The following CNIH4 variants were observed in gnomAD, a reference collection of about 807,000 sequenced individuals.
The protein encoded by CNIH4 is protein cornichon homolog 4.
Under a neutral mutation model 21.5 loss-of-function variants are expected in CNIH4, and 9 were observed. The ratio of observed to expected loss-of-function variants is 0.42; its 90% CI spans 0.25 to 0.73. The LOEUF (loss-of-function observed/expected upper bound fraction) is 0.73. CNIH4 is among the 30% of genes least tolerant of loss of function. The pLI is 0.27. For missense variants in CNIH4, 159 were observed against 170.0 expected (o/e 0.94, Z 0.36); for synonymous variants, 67 against 59.1 (o/e 1.13, Z -0.61).
At chr1:224,362,881 C>A (rs1282589780) in intron 2 of CNIH4, among the ~76,000 whole-genome samples, 6 of 151,954 alleles carry the variant, frequency 3.9e-5, no homozygotes, top group African/African-American at 1.5e-4. Flanking sequence ...ATGTTTCTTC[C>A]CCATCTTTTT....
At chr1:224,360,618 TTAAGA>T in intron 2 of CNIH4, 55 bp downstream of exon 2, 1 of 876,852 alleles carries the variant, frequency 1.1e-6, no homozygotes, top group Non-Finnish European at 1.7e-6. Context: ...TTTTCCATAC[TTAAGA>T]TTATTATAGA....
At position 224,375,971 on chromosome 1, in the gene CNIH4, ATAAAG is replaced by A; in HGVS notation, c.*152_*156del. On this transcript the variant is annotated 3_prime_UTR_variant, in exon 5 of 5. Transcript: ENST00000465271. ...ACTATTTTTGCTGTATTTTTACCAT[ATAAAG>A]TATTTAAAAAACATGAATTGAGTTT... The A allele has an allele frequency of 7.6e-7, 1 of 1,315,600 alleles. No homozygotes were observed. Among genetic ancestry groups the A allele is most frequent in the South Asian group, 2.5e-5 (1 of 40,564 alleles). The allele number at this position is 1,315,600 out of a possible 1,614,324, so 81.5% of individuals were successfully genotyped here. A position where few individuals can be genotyped will look rare whatever the true frequency, so the allele number is the denominator to read the frequency against.
At chr1:224,372,280 T>A (rs1206135674) in intron 4 of CNIH4, among the ~76,000 whole-genome samples, 1 of 152,208 alleles carries the variant, frequency 6.6e-6, no homozygotes, top group Non-Finnish European at 1.5e-5. Flanking sequence ...CCTGTGTGTT[T>A]TAGAGGTGAA....
Position 224,376,820 on chromosome 1 carries a change from G to C in CNIH4, c.*998G>C. ...GTAAACTCTTGCAGGTGGGAGAGCA[G>C]TTCACCTCCTTAGCTCTGTTTGCCA... On this transcript the variant is annotated 3_prime_UTR_variant, in exon 5 of 5. Transcript: ENST00000465271. 5.1e-6 allele frequency: 5 copies of C among 985,388 alleles called. No homozygotes were observed. The highest frequency in any genetic ancestry group is 4.8e-6 in the Non-Finnish European group (4 of 829,896). The allele number at this position is 985,388 out of a possible 1,614,324, so 61.0% of individuals were successfully genotyped here. A position where few individuals can be genotyped will look rare whatever the true frequency, so the allele number is the denominator to read the frequency against.
Position 224,378,269 on chromosome 1 carries a change from A to C in CNIH4, c.*2447A>C, listed in dbSNP as rs1672833690. 6.6e-6 allele frequency: 1 copy of C among 152,108 alleles called. No individual in the cohort carries two copies. The highest frequency in any genetic ancestry group is 2.4e-5 in the African/African-American group (1 of 41,388). 9.4% of individuals were successfully genotyped at this position (152,108 alleles called of 1,614,324 possible). A position where few individuals can be genotyped will look rare whatever the true frequency, so the allele number is the denominator to read the frequency against. ...CTATGTTGCCTAGGCTGGTATCAAAATTACTGGCCTCAAGCGATTCTCCTG... is the reference window on the plus strand; with the variant it reads ...CTATGTTGCCTAGGCTGGTATCAAACTTACTGGCCTCAAGCGATTCTCCTG... On this transcript the variant is annotated 3_prime_UTR_variant, in exon 5 of 5. Transcript: ENST00000465271.
At chr1:224,362,768 C>T (rs1465641805) in intron 2 of CNIH4, among the ~76,000 whole-genome samples, 3 of 152,212 alleles carry the variant, frequency 2.0e-5, no homozygotes, top group African/African-American at 7.2e-5. Context: ...GCATGAGCCA[C>T]TGTGCCTGGC....
chr1:224,366,028 T>TAA, intron 3 of CNIH4, 37 bp downstream of exon 3: 1 of 1,325,892 alleles, frequency 7.5e-7, no homozygotes, highest in Non-Finnish European at 1.1e-6. Flanking sequence ...TCAAGGTAGT[T>TAA]AAAAAAAAAT....
In CNIH4 at chr1:224,360,493, A is replaced by G; in HGVS notation, c.70-2A>G. ...ATAATAATTCCTTATCTTGATCATC[A>G]GATAATTACATTGTCTGATTTAGAA... is the stretch of plus-strand genomic sequence containing the variant. On this transcript the variant is annotated splice_acceptor_variant, in intron 1 of 4. Coordinates refer to ENST00000465271, the MANE Select transcript of CNIH4 (RefSeq NM_014184.4). LOFTEE classifies it high-confidence loss of function. The G allele has an allele frequency of 7.3e-7, 1 of 1,367,054 alleles. No individual in the cohort carries two copies. The highest frequency in any genetic ancestry group is 1.5e-5 in the South Asian group (1 of 68,594). 84.7% of individuals were successfully genotyped at this position (1,367,054 alleles called of 1,614,324 possible).
rs538357540 is a variant in CNIH4 at position 224,362,513 on chromosome 1, G to A, written c.138+1950G>A. Among the ~76,000 whole-genome samples the A allele has an allele frequency of 2.6e-4, 37 of 140,934 alleles. No homozygotes were observed. In the East Asian group the frequency reaches 6.7e-3, roughly 26 times the overall value. 92.5% of individuals were successfully genotyped at this position (140,934 alleles called of 152,430 possible). On this transcript the variant is annotated intron_variant, in intron 2 of 4. Transcript: ENST00000465271. The stretch of plus-strand genomic sequence containing the variant: ...TTTTTTTTTTTTTTTTTTTTGAGAC[G>A]GAGTCTTGCTCTGTGGCCCAGACTA...
intron 2 of CNIH4, among the ~76,000 whole-genome samples, chr1:224,365,574 G>A (rs926110617): frequency 6.6e-6 from 1 of 152,162 alleles, no homozygotes; most frequent in African/African-American, 2.4e-5. Context: ...TACTAGAATA[G>A]GAACTAAACA....
intron 1 of CNIH4, chr1:224,357,504 C>A: frequency 6.5e-6 from 1 of 153,370 alleles, no homozygotes. Flanking sequence ...CCCCCGGCAC[C>A]CGCCCCTTTG....
At chr1:224,362,686 G>C (rs1038906239) in intron 2 of CNIH4, among the ~76,000 whole-genome samples, 1 of 151,554 alleles carries the variant, frequency 6.6e-6, no homozygotes, top group Non-Finnish European at 1.5e-5. Flanking sequence ...ATAGAGACAG[G>C]GTTTCACCAT....
At chr1:224,364,865 G>A (rs1307847664) in intron 2 of CNIH4, among the ~76,000 whole-genome samples, 2 of 151,878 alleles carry the variant, frequency 1.3e-5, no homozygotes, top group Non-Finnish European at 1.5e-5. Context: ...CCCGGGAGGC[G>A]GAGGTTTCAG....
chr1:224,364,129 C>G (rs1672380982), intron 2 of CNIH4: 1 of 984,300 alleles, frequency 1.0e-6, no homozygotes, highest in Admixed American at 6.2e-5. Flanking sequence ...GTGGCTGACA[C>G]CTGTCCCCAG....
intron 3 of CNIH4, among the ~76,000 whole-genome samples, chr1:224,366,336 AAAG>A (rs1323180030): frequency 6.7e-6 from 1 of 149,140 alleles, no homozygotes; most frequent in African/African-American, 2.5e-5. Context: ...GTGAGCCAAA[AAAG>A]GTGTTTAAGA....
At chr1:224,363,893 G>A (rs948014606) in intron 2 of CNIH4, among the ~76,000 whole-genome samples, 4 of 152,058 alleles carry the variant, frequency 2.6e-5, no homozygotes, top group Admixed American at 2.0e-4. Flanking sequence ...CTGAAATGGC[G>A]GTGTTTTGGT....
chr1:224,362,305 A>G (rs753338374), intron 2 of CNIH4, among the ~76,000 whole-genome samples: 1 of 150,590 alleles, frequency 6.6e-6, no homozygotes, highest in Non-Finnish European at 1.5e-5. Context: ...GATGGTCTCA[A>G]TCTCCTGACC....
Position 224,378,993 on chromosome 1 carries a change from A to T in CNIH4, c.*3171A>T. 1 of 1,432,474 alleles carries T rather than the reference A, an allele frequency of 7.0e-7. No homozygotes were observed. Among genetic ancestry groups the T allele is most frequent in the Non-Finnish European group, 9.6e-7 (1 of 1,039,292 alleles). 88.7% of individuals were successfully genotyped at this position (1,432,474 alleles called of 1,614,324 possible). On this transcript the variant is annotated 3_prime_UTR_variant, in exon 5 of 5. Coordinates refer to ENST00000465271, the MANE Select transcript of CNIH4 (RefSeq NM_014184.4). ...TGGCAGTACCCAGGGCCCGGTCCAT[A>T]GACTACTATCGAGTGCTCCTATGTG...
Position 224,378,909 on chromosome 1 carries a change from C to T in CNIH4, c.*3087C>T. On this transcript the variant is annotated 3_prime_UTR_variant, in exon 5 of 5. Coordinates refer to ENST00000465271, the MANE Select transcript of CNIH4 (RefSeq NM_014184.4). ...TGTTGTAACTGGGAACATCTGAATG[C>T]TGAGGCTTAGTCCAGTGTTCTCTCT... The T allele has an allele frequency of 1.5e-6, 1 of 662,434 alleles. No homozygotes were observed. Among genetic ancestry groups the T allele is most frequent in the Non-Finnish European group, 2.7e-6 (1 of 367,344 alleles). 41.0% of individuals were successfully genotyped at this position (662,434 alleles called of 1,614,324 possible). A position where few individuals can be genotyped will look rare whatever the true frequency, so the allele number is the denominator to read the frequency against.
Sources: allele counts gnomAD v4.1 joint callset (sites outside exome capture counted in the v4.1 genomes callset), GRCh38; gene constraint gnomAD v4.1.1; transcripts MANE v1.5; gene names NCBI Gene and HGNC (gene_info 2026-07-23, HGNC 2026-07-21).